Variants in WDR93 observed in about 807,000 individuals in gnomAD.
WDR93 encodes the protein WD repeat-containing protein 93.
Under a neutral mutation model 82.9 loss-of-function variants are expected in WDR93, and 73 were observed. That is an observed-to-expected ratio of 0.88 (90% CI 0.73 to 1.07). The LOEUF is 1.07. Among genes scored for constraint, WDR93 ranks in the 50% least tolerant of loss-of-function variants. The probability of loss-of-function intolerance (pLI) is 0.00; values close to 1 mark genes in which losing one functional copy is unlikely to be tolerated. For missense variants in WDR93, 738 were observed against 826.0 expected, an observed-to-expected ratio of 0.89 and a Z score of 1.31; for synonymous variants, 283 against 300.1, an observed-to-expected ratio of 0.94 and a Z score of 0.59.
chr15:89,704,577 C>A (rs1023085968), intron 3 of WDR93: 1 of 152,122 alleles, frequency 6.6e-6, no homozygotes, highest in African/African-American at 2.4e-5. Flanking sequence ...AATGCCTCCC[C>A]CTTTGTGCCT....
intron 1 of WDR93, among the ~76,000 whole-genome samples, chr15:89,692,231 C>A (rs1034290989): frequency 6.6e-6 from 1 of 152,164 alleles, no homozygotes; most frequent in African/African-American, 2.4e-5. Flanking sequence ...CTGAGAAGGG[C>A]TCATGCAGGC....
intron 9 of WDR93, 67 bp downstream of exon 9, chr15:89,727,395 GAA>G: frequency 6.5e-7 from 1 of 1,545,618 alleles, no homozygotes; most frequent in African/African-American, 1.4e-5. Context: ...GCACATGCAG[GAA>G]TCAACCCAGG....
intron 4 of WDR93, among the ~76,000 whole-genome samples, chr15:89,710,866 A>G (rs1461203938): frequency 6.6e-6 from 1 of 152,248 alleles, no homozygotes; most frequent in Non-Finnish European, 1.5e-5. Context: ...TGACTTTTTC[A>G]TATGGGCAAC....
intron 8 of WDR93, among the ~76,000 whole-genome samples, chr15:89,722,981 G>C (rs917133896): frequency 3.3e-5 from 5 of 152,260 alleles, no homozygotes; most frequent in African/African-American, 1.2e-4. Context: ...AAGGTGGGCA[G>C]ATTGCTTGAG....
intron 1 of WDR93, among the ~76,000 whole-genome samples, chr15:89,693,613 T>G (rs1459830978): frequency 6.6e-6 from 1 of 152,122 alleles, no homozygotes; most frequent in African/African-American, 2.4e-5. Context: ...AAACAAACAT[T>G]TAATAAATAA....
At chr15:89,706,514 G>A (rs1965736208) in intron 4 of WDR93, among the ~76,000 whole-genome samples, 1 of 151,852 alleles carries the variant, frequency 6.6e-6, no homozygotes, top group Admixed American at 6.6e-5. Context: ...CAATTCAGTG[G>A]GGGCCAAAAG....
rs1319366146 is a variant in WDR93 at position 89,743,306 on chromosome 15, A to T, written c.1976A>T (p.Glu659Val). 1.2e-6 allele frequency: 2 copies of T among 1,614,180 alleles called. No individual in the cohort carries two copies. The highest frequency in any genetic ancestry group is 2.7e-5 in the African/African-American group (2 of 75,040). Residue 659 changes from glutamate to valine, a missense_variant, in exon 17 of 17, where the codon GAG becomes GTG. By Grantham distance (121) the Glu-to-Val change is moderately radical. Transcript: ENST00000268130. The stretch of plus-strand genomic sequence containing the variant: ...GTGGCCCTCAGCTATCGGAAGCTGG[A>T]GAAGAACCCAGAGAAGGAGGAGGAG... ...RFLQKSYRKL[E>V]KNPEKEEEHW...
chr15:89,731,595 G>T (rs1273901166), intron 12 of WDR93, 33 bp downstream of exon 12: 1 of 1,612,812 alleles, frequency 6.2e-7, no homozygotes, highest in African/African-American at 1.3e-5. Context: ...CCTAGTACCT[G>T]GGTGGGACTC....
intron 15 of WDR93, 50 bp downstream of exon 15, chr15:89,737,779 GT>G: frequency 6.2e-7 from 1 of 1,609,554 alleles, no homozygotes; most frequent in South Asian, 1.1e-5. Context: ...CCCTGACTTA[GT>G]TCTCTCACAA....
intron 14 of WDR93, among the ~76,000 whole-genome samples, chr15:89,737,023 C>A (rs1009078104): frequency 6.6e-6 from 1 of 152,158 alleles, no homozygotes; most frequent in Non-Finnish European, 1.5e-5. Flanking sequence ...GATCTCCTGA[C>A]CTCGTGATCC....
At position 89,701,888 on chromosome 15, in the gene WDR93, G is replaced by T. The variant is rs1965483415; in HGVS notation, c.142G>T (p.Glu48Ter). Residue 48 changes from glutamate (E) to a stop codon, truncating the protein, a stop_gained, in exon 2 of 17, where the codon GAG (glutamate) becomes TAG (stop). Transcript: ENST00000268130. LOFTEE classifies it high-confidence loss of function. ...GGATCATGTCCTCGTGGATCCAGAT[G>T]AGGAGCTGGATTCCTTGCCTCAGCC... ...EQDHVLVDPD[E>*]ELDSLPQPYR... 6.2e-7 allele frequency: 1 copy of T among 1,614,212 alleles called. No homozygotes were observed. Among genetic ancestry groups the T allele is most frequent in the Non-Finnish European group, 8.5e-7 (1 of 1,180,040 alleles).
chr15:89,714,545 C>T (rs1197452270), intron 5 of WDR93, among the ~76,000 whole-genome samples: 1 of 152,084 alleles, frequency 6.6e-6, no homozygotes, highest in East Asian at 1.9e-4. Flanking sequence ...AGGCTGAGAA[C>T]TCCTGACTGC....
At chr15:89,738,640 A>G (rs1967408026) in intron 16 of WDR93, among the ~76,000 whole-genome samples, 1 of 151,716 alleles carries the variant, frequency 6.6e-6, no homozygotes, top group African/African-American at 2.4e-5. Flanking sequence ...AAAAAAAAAA[A>G]AAAAAGAAAT....
chr15:89,723,621 T>C (rs930648999), intron 8 of WDR93, among the ~76,000 whole-genome samples: 2 of 152,048 alleles, frequency 1.3e-5, no homozygotes, highest in Non-Finnish European at 2.9e-5. Flanking sequence ...GAAATATAGA[T>C]AGATAGAAAT....
rs894908914 is a variant in WDR93 at position 89,727,339 on chromosome 15, T to C, written c.1052+11T>C. ...GGAAGAGCCACTCAGGTGAGCCTCCTAATCCCGGGAAAGCCAGGGAGCATC... is the reference window on the plus strand; with the variant it reads ...GGAAGAGCCACTCAGGTGAGCCTCCCAATCCCGGGAAAGCCAGGGAGCATC... On this transcript the variant is annotated intron_variant, in intron 9 of 16. Transcript: ENST00000268130. The C allele has an allele frequency of 1.6e-5, 25 of 1,612,576 alleles. No homozygotes were observed. Among genetic ancestry groups the C allele is most frequent in the Non-Finnish European group, 2.1e-5 (25 of 1,179,538 alleles).
chr15:89,725,568 T>TCC (rs1966704720), intron 8 of WDR93, among the ~76,000 whole-genome samples: 1 of 116,134 alleles, frequency 8.6e-6, no homozygotes, highest in African/African-American at 3.5e-5. Context: ...CTTTTTTCTT[T>TCC]TCTTTTTTTT....
intron 8 of WDR93, among the ~76,000 whole-genome samples, chr15:89,723,349 G>A (rs1168465762): frequency 2.0e-5 from 3 of 152,064 alleles, no homozygotes; most frequent in African/African-American, 7.2e-5. Flanking sequence ...GGCCAAAGGA[G>A]GAGGATCACT....
In WDR93 at chr15:89,714,961, C is replaced by A; in HGVS notation, c.641-19C>A. On this transcript the variant is annotated intron_variant, in intron 5 of 16. Coordinates refer to ENST00000268130, the MANE Select transcript of WDR93 (RefSeq NM_020212.2). ...GCTCTCTTACAGTTGCTCAATGGTT[C>A]TCTGGTTTCCCAATGCAGGAGCCGG... 1 of 1,603,364 alleles carries A rather than the reference C, an allele frequency of 6.2e-7. No homozygotes were observed. The highest frequency in any genetic ancestry group is 8.5e-7 in the Non-Finnish European group (1 of 1,171,876).
intron 16 of WDR93, among the ~76,000 whole-genome samples, chr15:89,742,025 A>T (rs973107810): frequency 2.6e-5 from 4 of 151,954 alleles, no homozygotes; most frequent in African/African-American, 9.7e-5. Flanking sequence ...TGCTGGGATT[A>T]CAGGCATGAG....
Sources: allele counts gnomAD v4.1 joint callset (sites outside exome capture counted in the v4.1 genomes callset), GRCh38; gene constraint gnomAD v4.1.1; transcripts MANE v1.5; gene names NCBI Gene and HGNC (gene_info 2026-07-23, HGNC 2026-07-21).